Variants in TANC1 observed in about 807,000 individuals in gnomAD.
TANC1 encodes protein TANC1.
Under a neutral mutation model 149.7 loss-of-function variants are expected in TANC1, and 77 were observed. The observed-to-expected ratio is 0.51, with a 90% CI of 0.43 to 0.62. The LOEUF (loss-of-function observed/expected upper bound fraction) is 0.62, where lower values mean the gene tolerates loss of function less well. Ranked by LOEUF, TANC1 falls within the 20% of genes least tolerant of loss-of-function variation. The pLI is 0.00. For missense variants in TANC1, 1,985 were observed against 2,321.8 expected (o/e 0.85, Z 2.98); for synonymous variants, 854 against 925.0 (o/e 0.92, Z 1.39).
At position 159,229,763 on chromosome 2, in the gene TANC1, C is replaced by T. The variant is rs1280481437; in HGVS notation, c.4337C>T (p.Pro1446Leu). The T allele has an allele frequency of 6.2e-6, 10 of 1,614,018 alleles. No homozygotes were observed. In the African/African-American group the frequency reaches 6.7e-5, roughly 11 times the overall value. ...GACTCCGAGAACGAAGAGGACACCC[C>T]AACCCCTGGCTTAAGTGACCACTTT... is the stretch of plus-strand genomic sequence containing the variant. ...LNDSENEEDT[P>L]TPGLSDHFHS... Residue 1446 changes from proline (P) to leucine (L), a missense_variant, in exon 27 of 27, where the codon CCA (proline) becomes CTA (leucine). By Grantham distance (98) the Pro-to-Leu change is moderately conservative. This residue lies in a region of TANC1 where 920 missense variants were observed against 994.7 expected (regional missense o/e 0.92). Coordinates refer to ENST00000263635, the MANE Select transcript of TANC1 (RefSeq NM_033394.3).
chr2:159,026,034 A>G (rs958906194), intron 2 of TANC1, among the ~76,000 whole-genome samples: 6 of 152,186 alleles, frequency 3.9e-5, no homozygotes, highest in South Asian at 2.1e-4. Context: ...CCTGGGCTCA[A>G]GCGATCATCT....
intron 3 of TANC1, among the ~76,000 whole-genome samples, chr2:159,091,966 G>GGC (rs1439675281): frequency 7.5e-5 from 11 of 146,986 alleles, no homozygotes; most frequent in African/African-American, 2.7e-4. Flanking sequence ...AAATATAGGG[G>GGC]GGGGTGTGTG....
intron 4 of TANC1, among the ~76,000 whole-genome samples, chr2:159,132,954 G>T (rs897022038): frequency 6.6e-6 from 1 of 152,062 alleles, no homozygotes. Flanking sequence ...GAAGGCTCTG[G>T]GTGATACTGG....
intron 2 of TANC1, among the ~76,000 whole-genome samples, chr2:159,045,941 C>A (rs561999299): frequency 1.3e-5 from 2 of 152,298 alleles, no homozygotes; most frequent in East Asian, 1.9e-4. Flanking sequence ...ACTGAGAAAT[C>A]CAGGTGGAAA....
At chr2:159,190,964 G>T (rs1368922311) in intron 16 of TANC1, among the ~76,000 whole-genome samples, 1 of 152,240 alleles carries the variant, frequency 6.6e-6, no homozygotes, top group African/African-American at 2.4e-5. Context: ...AGCAGGCTTG[G>T]TGGGGATTAA....
rs1452455325 is a variant in TANC1 at position 159,001,604 on chromosome 2, A to G, written c.-16+415A>G. On this transcript the variant is annotated intron_variant, in intron 2 of 26. Transcript: ENST00000263635. This position sits in a 1 kb window ranked among gnomAD's most constrained non-coding sequence, Gnocchi z 4.3. ...CATTTATGAAACCCTTTCCTGGTTCATTGTCACTTATTAAATATTTGAATG... is the reference window on the plus strand; with the variant it reads ...CATTTATGAAACCCTTTCCTGGTTCGTTGTCACTTATTAAATATTTGAATG... 1.3e-5 allele frequency among the ~76,000 whole-genome samples: 2 copies of G among 152,210 alleles called. No individual in the cohort carries two copies. The highest frequency in any genetic ancestry group is 4.8e-5 in the African/African-American group (2 of 41,466).
Position 159,229,848 on chromosome 2 carries a change from T to C in TANC1, c.4422T>C (p.Thr1474=), listed in dbSNP as rs1273135239. The part of the protein sequence containing the change: ...TSPQEESVSP[T]PRSQPSSSVP... Reference sequence around the variant, plus strand: ...CCCAGGAAGAATCTGTTTCCCCAACTCCCAGGTCCCAGCCATCCTCATCTG... The same window carrying C: ...CCCAGGAAGAATCTGTTTCCCCAACCCCCAGGTCCCAGCCATCCTCATCTG... The change falls in exon 27 of 27, where the codon ACT becomes ACC. Residue 1474 remains threonine (T), a synonymous_variant. Transcript: ENST00000263635. The C allele has an allele frequency of 1.2e-6, 2 of 1,613,900 alleles. No individual in the cohort carries two copies. Among genetic ancestry groups the C allele is most frequent in the East Asian group, 2.2e-5 (1 of 44,864 alleles).
At chr2:159,188,445 C>T (rs1267737926) in intron 16 of TANC1, among the ~76,000 whole-genome samples, 1 of 152,220 alleles carries the variant, frequency 6.6e-6, no homozygotes, top group East Asian at 1.9e-4. Context: ...CAGCCTGGGC[C>T]CCGCTGGCCC....
intron 2 of TANC1, among the ~76,000 whole-genome samples, chr2:159,036,253 T>C (rs551612749): frequency 7.2e-4 from 109 of 152,280 alleles, no homozygotes; most frequent in African/African-American, 2.4e-3. Context: ...AATGCTTAGA[T>C]ACTATGCCAG....
intron 19 of TANC1, among the ~76,000 whole-genome samples, chr2:159,212,568 T>C (rs1381281390): frequency 6.6e-6 from 1 of 152,190 alleles, no homozygotes; most frequent in Non-Finnish European, 1.5e-5. Flanking sequence ...GTTGTATCCA[T>C]GGGAGATACC....
At chr2:159,226,982 G>C (rs2060058331) in intron 24 of TANC1, 1 of 152,200 alleles carries the variant, frequency 6.6e-6, no homozygotes, top group Non-Finnish European at 1.5e-5. Flanking sequence ...TGATTAGACA[G>C]AATTAAAAGA....
At chr2:159,208,389 C>T (rs1288434640) in intron 19 of TANC1, among the ~76,000 whole-genome samples, 2 of 152,324 alleles carry the variant, frequency 1.3e-5, no homozygotes, top group South Asian at 2.1e-4. Flanking sequence ...GTCCTGTTTA[C>T]AGGTGCAGTT....
intron 4 of TANC1, among the ~76,000 whole-genome samples, chr2:159,120,865 T>G (rs1559297615): frequency 6.6e-6 from 1 of 152,170 alleles, no homozygotes; most frequent in Non-Finnish European, 1.5e-5. Context: ...CCTCCCAAAG[T>G]GCTGAGATTA....
At chr2:159,050,797 T>C (rs1443713579) in intron 2 of TANC1, among the ~76,000 whole-genome samples, 1 of 152,222 alleles carries the variant, frequency 6.6e-6, no homozygotes, top group Non-Finnish European at 1.5e-5. Flanking sequence ...ATCTTGCATT[T>C]GTATTGATTT....
At chr2:159,058,999 A>C (rs1362721856) in intron 2 of TANC1, among the ~76,000 whole-genome samples, 1 of 152,190 alleles carries the variant, frequency 6.6e-6, no homozygotes, top group Non-Finnish European at 1.5e-5. Context: ...TTTTAAATTC[A>C]TATTACTTGT....
chr2:159,036,431 A>G (rs916648008), intron 2 of TANC1, among the ~76,000 whole-genome samples: 1 of 152,180 alleles, frequency 6.6e-6, no homozygotes, highest in African/African-American at 2.4e-5. Context: ...ACATATGTAT[A>G]CATGTGCCAT....
At chr2:159,145,680 C>G (rs1031558887) in intron 5 of TANC1, among the ~76,000 whole-genome samples, 9 of 152,116 alleles carry the variant, frequency 5.9e-5, no homozygotes, top group African/African-American at 2.2e-4. Flanking sequence ...GGGTGAGAAG[C>G]TGAATAGAGG....
chr2:159,075,764 A>G (rs1365566159), intron 3 of TANC1, among the ~76,000 whole-genome samples: 1 of 151,776 alleles, frequency 6.6e-6, no homozygotes, highest in Admixed American at 6.6e-5. Context: ...TATTTTTTTC[A>G]TTTAAAAAAC....
At chr2:159,119,566 A>G (rs926711903) in intron 4 of TANC1, among the ~76,000 whole-genome samples, 1 of 152,230 alleles carries the variant, frequency 6.6e-6, no homozygotes, top group African/African-American at 2.4e-5. Flanking sequence ...GCTTTAACCA[A>G]TAAAAATTCG....
Sources: gnomAD v4.1 joint callset for allele counts (sites outside exome capture counted in the v4.1 genomes callset) on GRCh38, gnomAD v4.1.1 for gene constraint, gnomAD v4.1.1 regional missense constraint, Gnocchi (gnomAD v3.1) non-coding constraint, MANE v1.5 for transcripts, NCBI Gene and HGNC (gene_info 2026-07-23, HGNC 2026-07-21) for gene names.